The following ABI1 variants were observed in gnomAD, a reference collection of about 807,000 sequenced individuals.
ABI1 encodes the protein abl interactor 1, also known as Abelson interactor 1.
A neutral mutation model predicts 54.6 loss-of-function variants in ABI1; 14 were observed. That is an observed-to-expected ratio of 0.26 (90% CI 0.17 to 0.40). ABI1 has a LOEUF of 0.40. Ranked by LOEUF, ABI1 falls within the 10% of genes least tolerant of loss-of-function variation. The pLI, the probability that ABI1 is intolerant of heterozygous loss-of-function variation, is 1.00. For missense variants in ABI1, 443 were observed against 598.3 expected (o/e 0.74, Z 2.71); for synonymous variants, 194 against 209.3 (o/e 0.93, Z 0.63).
intron 1 of ABI1, among the ~76,000 whole-genome samples, chr10:26,842,490 G>C (rs10764656): frequency 6.6e-6 from 1 of 151,860 alleles, no homozygotes; most frequent in African/African-American, 2.4e-5. Flanking sequence ...AATCCAAAAA[G>C]AAAATTCTAG....
intron 9 of ABI1, among the ~76,000 whole-genome samples, chr10:26,752,088 G>A (rs538669183): frequency 2.6e-5 from 4 of 152,160 alleles, no homozygotes; most frequent in South Asian, 2.1e-4. Flanking sequence ...GGTTCAGATC[G>A]GGACAAATGT....
In ABI1 at chr10:26,857,866, G is replaced by A. The variant is rs74126858; in HGVS notation, c.117+2881C>T. On this transcript the variant is annotated intron_variant, in intron 1 of 10. Transcript: ENST00000376140. The stretch of plus-strand genomic sequence containing the variant: ...TCTGTCTCAAAAAAAAAAAAAAAAA[G>A]AAAGAAAAAAACTGTCCTTTTTAAT... Among the ~76,000 whole-genome samples, 122 of 128,936 alleles carry A rather than the reference G, an allele frequency of 9.5e-4. 1 individual carries two copies. The highest frequency in any genetic ancestry group is 2.9e-3 in the African/African-American group (80 of 28,056). The allele number at this position is 128,936 out of a possible 152,430, so 84.6% of individuals were successfully genotyped here.
At chr10:26,797,756 G>A (rs1038150816) in intron 2 of ABI1, among the ~76,000 whole-genome samples, 4 of 152,048 alleles carry the variant, frequency 2.6e-5, no homozygotes, top group African/African-American at 7.2e-5. Context: ...AGAGTAGAAC[G>A]GAATGTTCAT....
rs1439386525 is a variant in ABI1 at position 26,860,905 on chromosome 10, A to C, written c.-42T>G. The C allele has an allele frequency of 3.0e-5, 47 of 1,580,548 alleles. No homozygotes were observed. The highest frequency in any genetic ancestry group is 4.0e-5 in the Non-Finnish European group (46 of 1,150,960). On this transcript the variant is annotated 5_prime_UTR_variant, in exon 1 of 11. Coordinates refer to ENST00000376140, the MANE Select transcript of ABI1 (RefSeq NM_001012750.3). The surrounding 1 kb of genome is among the most constrained non-coding windows in gnomAD (Gnocchi z 4.1). ...TCGCTTCCTCTCGCGTTAAAGAGAC[A>C]GAGGCAGCAAGGTCCGCCGAGGCTC...
intron 2 of ABI1, among the ~76,000 whole-genome samples, chr10:26,820,288 T>A (rs1017426753): frequency 1.3e-5 from 2 of 152,140 alleles, no homozygotes; most frequent in East Asian, 3.9e-4. Flanking sequence ...AAACATCACA[T>A]TGTACATCTT....
chr10:26,855,875 G>A (rs758712293), intron 1 of ABI1, among the ~76,000 whole-genome samples: 1 of 150,872 alleles, frequency 6.6e-6, no homozygotes, highest in Non-Finnish European at 1.5e-5. Context: ...GGAGGCTGGG[G>A]TAGGAAAATC....
chr10:26,795,151 A>C (rs1386277517), intron 2 of ABI1, among the ~76,000 whole-genome samples: 1 of 151,950 alleles, frequency 6.6e-6, no homozygotes, highest in Non-Finnish European at 1.5e-5. Flanking sequence ...CAAAAAAAAA[A>C]AAAAACCAAA....
At chr10:26,799,495 A>G (rs552027949) in intron 2 of ABI1, among the ~76,000 whole-genome samples, 13 of 152,354 alleles carry the variant, frequency 8.5e-5, no homozygotes, top group Non-Finnish European at 1.3e-4. Context: ...AAAAATGAGC[A>G]CGTGCAACTG....
intron 1 of ABI1, among the ~76,000 whole-genome samples, chr10:26,845,242 T>C (rs116056656): frequency 0.015 from 2,213 of 152,276 alleles, 54 homozygotes; most frequent in African/African-American, 0.051. Context: ...TAACAATTAT[T>C]TTTCTTCCAT....
chr10:26,767,449 A>C lies in ABI1; in HGVS notation c.719+1403T>G, dbSNP rs1325299555. ...CTGCCCACGTTATTAAGTGAGAGAG[A>C]AAACTGAAGAATAAAACAAATTTGG... is the stretch of plus-strand genomic sequence containing the variant. On this transcript the variant is annotated intron_variant, in intron 6 of 10. Transcript: ENST00000376140. Among the ~76,000 whole-genome samples the C allele has an allele frequency of 4.6e-5, 7 of 152,198 alleles. No homozygotes were observed. In the East Asian group the frequency reaches 1.3e-3, roughly 29 times the overall value.
intron 2 of ABI1, among the ~76,000 whole-genome samples, chr10:26,807,623 T>C (rs1414110875): frequency 6.6e-6 from 1 of 152,170 alleles, no homozygotes; most frequent in African/African-American, 2.4e-5. Context: ...CAGCTCAGCC[T>C]GTAATACAGG....
At chr10:26,778,343 T>C (rs1841684570) in intron 2 of ABI1, among the ~76,000 whole-genome samples, 1 of 152,050 alleles carries the variant, frequency 6.6e-6, no homozygotes, top group South Asian at 2.1e-4. Context: ...CAAATTTAAA[T>C]TGAGTGACAT....
chr10:26,806,353 T>C (rs1027451271), intron 2 of ABI1, among the ~76,000 whole-genome samples: 8 of 150,646 alleles, frequency 5.3e-5, no homozygotes, highest in Non-Finnish European at 7.4e-5. Flanking sequence ...ACATTTCCTA[T>C]TGGCAAAGTA....
chr10:26,811,253 C>T (rs1230880077), intron 2 of ABI1, among the ~76,000 whole-genome samples: 1 of 151,940 alleles, frequency 6.6e-6, no homozygotes, highest in Non-Finnish European at 1.5e-5. Flanking sequence ...AAATTTAGTG[C>T]CAAGATAAGG....
At chr10:26,770,788 T>C (rs910037089) in intron 4 of ABI1, among the ~76,000 whole-genome samples, 4 of 152,278 alleles carry the variant, frequency 2.6e-5, no homozygotes, top group East Asian at 1.9e-4. Context: ...AACCTCCTAA[T>C]TGTAAGTCAA....
chr10:26,852,866 G>A (rs1442205843), intron 1 of ABI1, among the ~76,000 whole-genome samples: 29 of 152,122 alleles, frequency 1.9e-4, no homozygotes. Context: ...CAGGAGTTCA[G>A]GACAAACCTG....
rs182866639 is a variant in ABI1 at position 26,838,374 on chromosome 10, T to C, written c.118-15069A>G. ...GGTATGGGAACTTCATTTTACCTAATGTTCTAAACATCAGAATCAGTTTAG... is the reference window on the plus strand; with the variant it reads ...GGTATGGGAACTTCATTTTACCTAACGTTCTAAACATCAGAATCAGTTTAG... On this transcript the variant is annotated intron_variant, in intron 1 of 10. Coordinates refer to ENST00000376140, the MANE Select transcript of ABI1 (RefSeq NM_001012750.3). 5.3e-5 allele frequency among the ~76,000 whole-genome samples: 8 copies of C among 152,212 alleles called. No homozygotes were observed. The East Asian group carries it at 1.5e-3, about 29-fold the overall frequency.
chr10:26,810,770 A>G (rs1318538203), intron 2 of ABI1, among the ~76,000 whole-genome samples: 3 of 152,182 alleles, frequency 2.0e-5, no homozygotes, highest in African/African-American at 4.8e-5. Context: ...TCTGGTTACC[A>G]CACCAACAAC....
In ABI1 at chr10:26,858,521, C is replaced by T. The variant is rs147574965; in HGVS notation, c.117+2226G>A. On this transcript the variant is annotated intron_variant, in intron 1 of 10. Transcript: ENST00000376140. ...TCAGATTTAGGATTATACCCCACCC[C>T]GCCCCCACAAAAAAAGAAAAAAAAA... Among the ~76,000 whole-genome samples the T allele has an allele frequency of 5.8e-4, 81 of 138,630 alleles. 2 individuals are homozygous for T. The highest frequency in any genetic ancestry group is 2.2e-3 in the African/African-American group (80 of 36,832). 90.9% of individuals were successfully genotyped at this position (138,630 alleles called of 152,430 possible).
Sources: gnomAD v4.1 joint callset for allele counts (sites outside exome capture counted in the v4.1 genomes callset) on GRCh38, gnomAD v4.1.1 for gene constraint, Gnocchi (gnomAD v3.1) non-coding constraint, MANE v1.5 for transcripts, NCBI Gene and HGNC (gene_info 2026-07-23, HGNC 2026-07-21) for gene names.